The following ELOVL6 variants were observed in gnomAD, a reference collection of about 807,000 sequenced individuals.
ELOVL6 encodes the protein ELOVL fatty acid elongase 6, also known as very long chain fatty acid elongase 6.
In ELOVL6, 8 loss-of-function variants were observed where a neutral mutation model predicts 31.7. The observed-to-expected ratio is 0.25, with a 90% CI of 0.15 to 0.45. The LOEUF is 0.45. Ranked by LOEUF, ELOVL6 falls within the 20% of genes least tolerant of loss-of-function variation. The pLI is 1.00. For synonymous variants in ELOVL6, 101 were observed against 117.7 expected, an observed-to-expected ratio of 0.86 and a Z score of 0.92; for missense variants, 126 against 326.4, an observed-to-expected ratio of 0.39 and a Z score of 4.73.
chr4:110,058,237 C>A (rs1277281703), intron 3 of ELOVL6, among the ~76,000 whole-genome samples: 1 of 152,174 alleles, frequency 6.6e-6, no homozygotes, highest in Admixed American at 6.5e-5. Context: ...GCATTTTACC[C>A]TGAGACCGTT....
chr4:110,071,980 T>C (rs1399648877), intron 2 of ELOVL6, among the ~76,000 whole-genome samples: 4 of 152,238 alleles, frequency 2.6e-5, no homozygotes, highest in Non-Finnish European at 4.4e-5. Context: ...AGCCTCCTCC[T>C]CACCTGGATC....
At position 110,084,160 on chromosome 4, in the gene ELOVL6, A is replaced by ATAACT. The variant is rs1386167520; in HGVS notation, c.221+21336_221+21337insAGTTA. 4.8e-4 allele frequency among the ~76,000 whole-genome samples: 53 copies of ATAACT among 109,440 alleles called. 3 individuals carry two copies. The highest frequency in any genetic ancestry group is 2.6e-3 in the African/African-American group (49 of 19,042). 71.8% of individuals were successfully genotyped at this position (109,440 alleles called of 152,430 possible). A position where few individuals can be genotyped will look rare whatever the true frequency, so the allele number is the denominator to read the frequency against. ...ATGATATATATGATATATATAACAT[A>ATAACT]TATGTGATATATATGATATATATAA... On this transcript the variant is annotated intron_variant, in intron 2 of 3. Transcript: ENST00000302274.
At chr4:110,113,146 T>C (rs1352271185) in intron 1 of ELOVL6, among the ~76,000 whole-genome samples, 4 of 148,636 alleles carry the variant, frequency 2.7e-5, no homozygotes, top group Admixed American at 1.4e-4. Flanking sequence ...GAGAATGGCG[T>C]GAACCTGGGA....
Position 110,142,091 on chromosome 4 carries a change from G to GA in ELOVL6, c.90-36464dup, listed in dbSNP as rs1465952056. Among the ~76,000 whole-genome samples the GA allele has an allele frequency of 5.5e-3, 562 of 102,022 alleles. 7 individuals are homozygous for GA. The highest frequency in any genetic ancestry group is 0.021 in the African/African-American group (545 of 25,722). The allele number at this position is 102,022 out of a possible 152,430, so 66.9% of individuals were successfully genotyped here. A position where few individuals can be genotyped will look rare whatever the true frequency, so the allele number is the denominator to read the frequency against. On this transcript the variant is annotated intron_variant, in intron 1 of 3. Transcript: ENST00000302274. ...CTTTTTTTTTTTTTTTTTTTTTTGA[G>GA]ACGGAGTCTCGCTGTGTCACCCAGG...
At chr4:110,169,348 C>T (rs1467045010) in intron 1 of ELOVL6, among the ~76,000 whole-genome samples, 3 of 150,972 alleles carry the variant, frequency 2.0e-5, no homozygotes. Context: ...AAGTGATTCT[C>T]CTGCCTTAGC....
chr4:110,051,352 T>C lies in ELOVL6; in HGVS notation c.784A>G (p.Thr262Ala). ...CAGTTCCAACACTATTCAGCTTTCG[T>C]TGTTTTCCTCATTTTGCCGATGTAG... is the stretch of plus-strand genomic sequence containing the variant. ...EAYIGKMRKT[T>A]KAE Residue 262 changes from threonine (T) to alanine (A), a missense_variant, in exon 4 of 4, where the codon ACG becomes GCG. Transcript: ENST00000302274. The surrounding 1 kb of genome is among the most constrained non-coding windows in gnomAD (Gnocchi z 4.8). The C allele has an allele frequency of 6.2e-7, 1 of 1,614,128 alleles. No homozygotes were observed. Among genetic ancestry groups the C allele is most frequent in the Non-Finnish European group, 8.5e-7 (1 of 1,179,958 alleles).
intron 2 of ELOVL6, among the ~76,000 whole-genome samples, chr4:110,076,872 G>A (rs535669557): frequency 2.0e-5 from 3 of 152,274 alleles, no homozygotes; most frequent in Admixed American, 6.5e-5. Flanking sequence ...CTGGAAAATC[G>A]GGTCACTCCC....
At chr4:110,127,421 A>AAAAAAAG (rs1553959443) in intron 1 of ELOVL6, among the ~76,000 whole-genome samples, 2 of 147,032 alleles carry the variant, frequency 1.4e-5, no homozygotes, top group Admixed American at 6.7e-5. Flanking sequence ...AAAAAAAAAA[A>AAAAAAAG]AAAAGAAAAG....
intron 2 of ELOVL6, among the ~76,000 whole-genome samples, chr4:110,098,253 T>C (rs1756646937): frequency 6.6e-6 from 1 of 151,974 alleles, no homozygotes; most frequent in South Asian, 2.1e-4. Flanking sequence ...CCGATCATTA[T>C]TGGGTGGGAT....
chr4:110,131,043 T>C (rs993052073), intron 1 of ELOVL6, among the ~76,000 whole-genome samples: 1 of 152,200 alleles, frequency 6.6e-6, no homozygotes, highest in African/African-American at 2.4e-5. Flanking sequence ...TTTTTACAGG[T>C]AAGGAAGCTT....
intron 1 of ELOVL6, among the ~76,000 whole-genome samples, chr4:110,159,802 A>G (rs1442071955): frequency 6.6e-6 from 1 of 152,166 alleles, no homozygotes; most frequent in East Asian, 1.9e-4. Flanking sequence ...CACTCAGATG[A>G]CTGCTCAAAA....
In ELOVL6 at chr4:110,092,867, AT is replaced by A. The variant is rs781223580; in HGVS notation, c.221+12629del. On this transcript the variant is annotated intron_variant, in intron 2 of 3. Coordinates refer to ENST00000302274, the MANE Select transcript of ELOVL6 (RefSeq NM_024090.3). ...CCAAACAAGGATCTGTGGAGGATTT[AT>A]GAGATAACATGAAGTTTATACAAAC... Among the ~76,000 whole-genome samples the A allele has an allele frequency of 2.6e-5, 4 of 152,198 alleles. No homozygotes were observed. The East Asian group carries it at 5.8e-4, about 22-fold the overall frequency.
chr4:110,158,294 G>T (rs952766117), intron 1 of ELOVL6, among the ~76,000 whole-genome samples: 8 of 152,184 alleles, frequency 5.3e-5, no homozygotes, highest in Middle Eastern at 3.4e-3. Context: ...ACCATTGTGT[G>T]CACAGTCTAT....
chr4:110,132,916 G>A (rs1019538918), intron 1 of ELOVL6, among the ~76,000 whole-genome samples: 3 of 152,010 alleles, frequency 2.0e-5, no homozygotes, highest in African/African-American at 7.2e-5. Flanking sequence ...TCCCAGAGAT[G>A]GAAAGAAATC....
At chr4:110,097,615 C>G (rs1756621939) in intron 2 of ELOVL6, among the ~76,000 whole-genome samples, 1 of 151,978 alleles carries the variant, frequency 6.6e-6, no homozygotes, top group Non-Finnish European at 1.5e-5. Context: ...GTGACCTGAC[C>G]TTTCAAACAG....
intron 3 of ELOVL6, among the ~76,000 whole-genome samples, chr4:110,053,887 C>T (rs1341759526): frequency 2.0e-5 from 3 of 151,708 alleles, no homozygotes; most frequent in South Asian, 2.1e-4. Context: ...TGCAGTGAGC[C>T]GAGATTGTGC....
intron 1 of ELOVL6, among the ~76,000 whole-genome samples, chr4:110,156,645 C>A (rs1758427195): frequency 6.6e-6 from 1 of 152,088 alleles, no homozygotes; most frequent in Non-Finnish European, 1.5e-5. Context: ...AGGATTGCAC[C>A]ACTGCACTCC....
intron 3 of ELOVL6, among the ~76,000 whole-genome samples, chr4:110,058,351 T>A (rs1016159639): frequency 2.0e-5 from 3 of 152,200 alleles, no homozygotes; most frequent in African/African-American, 4.8e-5. Context: ...TTGGACTATC[T>A]TTGTACCTCT....
chr4:110,094,438 T>TATATATATATATATAA lies in ELOVL6; in HGVS notation c.221+11058_221+11059insTTATATATATATATAT, dbSNP rs1383825931. The stretch of plus-strand genomic sequence containing the variant: ...ATATATATATATATATATATATATA[T>TATATATATATATATAA]ATATAATATATATAACATAATATAT... On this transcript the variant is annotated intron_variant, in intron 2 of 3. Transcript: ENST00000302274. Among the ~76,000 whole-genome samples, 330 of 55,250 alleles carry TATATATATATATATAA rather than the reference T, an allele frequency of 6.0e-3. 4 individuals carry two copies. Among genetic ancestry groups the TATATATATATATATAA allele is most frequent in the Non-Finnish European group, 6.9e-3 (216 of 31,460 alleles). 36.2% of individuals were successfully genotyped at this position (55,250 alleles called of 152,430 possible). A position where few individuals can be genotyped will look rare whatever the true frequency, so the allele number is the denominator to read the frequency against.
Sources: allele counts gnomAD v4.1 joint callset (sites outside exome capture counted in the v4.1 genomes callset), GRCh38; gene constraint gnomAD v4.1.1; non-coding constraint Gnocchi (gnomAD v3.1); transcripts MANE v1.5; gene names NCBI Gene and HGNC (gene_info 2026-07-23, HGNC 2026-07-21).